COL21A1: variants seen among roughly 807,000 people sequenced by gnomAD.
The protein encoded by COL21A1 is collagen type XXI alpha 1 chain, also known as collagen alpha-1(XXI) chain.
COL21A1 carries 149 observed loss-of-function variants against 137.9 expected under a neutral mutation model. The ratio of observed to expected loss-of-function variants is 1.08; its 90% CI spans 0.95 to 1.24. The LOEUF is 1.24. Ranked by LOEUF, COL21A1 falls within the 50% of genes most tolerant of loss-of-function variation. The probability of loss-of-function intolerance (pLI) is 0.00; values close to 1 mark genes in which losing one functional copy is unlikely to be tolerated. For synonymous variants in COL21A1, 456 were observed against 391.5 expected (o/e 1.16, Z -1.95); for missense variants, 1,167 against 1,158.4 (o/e 1.01, Z -0.11).
At chr6:56,393,227 T>A (rs1174357784) in intron 1 of COL21A1, among the ~76,000 whole-genome samples, 1 of 152,090 alleles carries the variant, frequency 6.6e-6, no homozygotes, top group Non-Finnish European at 1.5e-5. Flanking sequence ...TCAACAAAAA[T>A]GCCAAGAATA....
At chr6:56,238,721 A>T (rs1782072695) in intron 1 of COL21A1, among the ~76,000 whole-genome samples, 1 of 152,152 alleles carries the variant, frequency 6.6e-6, no homozygotes, top group African/African-American at 2.4e-5. Context: ...TACTAGGTGG[A>T]TAATGGCTAA....
At chr6:56,330,572 C>T (rs1241532981) in intron 1 of COL21A1, among the ~76,000 whole-genome samples, 4 of 151,988 alleles carry the variant, frequency 2.6e-5, no homozygotes, top group African/African-American at 4.8e-5. Context: ...ATTGCACAGT[C>T]GTGAAGTCTG....
intron 5 of COL21A1, among the ~76,000 whole-genome samples, chr6:56,168,898 C>A (rs1290242117): frequency 6.6e-6 from 1 of 151,944 alleles, no homozygotes; most frequent in Non-Finnish European, 1.5e-5. Context: ...ACAGCCTGTA[C>A]CTCTCCTATG....
chr6:56,264,200 C>G (rs1412135760), intron 1 of COL21A1, among the ~76,000 whole-genome samples: 1 of 152,096 alleles, frequency 6.6e-6, no homozygotes, highest in African/African-American at 2.4e-5. Context: ...ATAAACATTT[C>G]AAATAAATCC....
At chr6:56,362,670 G>A (rs753256087) in intron 1 of COL21A1, among the ~76,000 whole-genome samples, 23 of 151,840 alleles carry the variant, frequency 1.5e-4, no homozygotes, top group African/African-American at 5.1e-4. Context: ...CTTTCCACAC[G>A]GGCACAACCC....
intron 1 of COL21A1, among the ~76,000 whole-genome samples, chr6:56,206,679 A>AAAAT (rs201550958): frequency 5.1e-4 from 30 of 59,316 alleles, no homozygotes; most frequent in South Asian, 1.4e-3. Flanking sequence ...CCAATTCAAC[A>AAAAT]AAATAAATAA....
chr6:56,181,000 A>T (rs544131756), intron 2 of COL21A1, among the ~76,000 whole-genome samples: 1 of 152,304 alleles, frequency 6.6e-6, no homozygotes, highest in Admixed American at 6.5e-5. Context: ...CTTGTTTCAG[A>T]TCCCTGATTG....
intron 1 of COL21A1, among the ~76,000 whole-genome samples, chr6:56,293,666 GTTGCCAAAAATATC>G (rs1764104839): frequency 6.6e-6 from 1 of 151,978 alleles, no homozygotes; most frequent in Non-Finnish European, 1.5e-5. Context: ...CTTTGACTTG[GTTGCCAAAAATATC>G]TTATGGGAAT....
intron 1 of COL21A1, among the ~76,000 whole-genome samples, chr6:56,357,737 T>C (rs541279951): frequency 6.6e-6 from 1 of 152,294 alleles, no homozygotes; most frequent in African/African-American, 2.4e-5. Context: ...AGAAAGGAGT[T>C]TGGGTCCTGG....
chr6:56,148,338 C>CAGAGAGAGAGAGAGAGAGAGAGAG (rs150898619), intron 10 of COL21A1, among the ~76,000 whole-genome samples: 1,335 of 133,174 alleles, frequency 0.01, 31 homozygotes, highest in East Asian at 0.015. Context: ...AGACAAGAGA[C>CAGAGAGAGAGAGAGAGAGAGAGAG]AGAGAGAGAG....
chr6:56,306,401 C>T (rs1429329702), intron 1 of COL21A1, among the ~76,000 whole-genome samples: 2 of 152,012 alleles, frequency 1.3e-5, no homozygotes, highest in South Asian at 2.1e-4. Flanking sequence ...TTCACATAGT[C>T]CCATATTTCT....
chr6:56,239,650 C>T (rs1782143111), intron 1 of COL21A1, among the ~76,000 whole-genome samples: 2 of 151,876 alleles, frequency 1.3e-5, no homozygotes, highest in South Asian at 4.2e-4. Flanking sequence ...TTTGTTTAGT[C>T]ATCATGAAAA....
intron 1 of COL21A1, among the ~76,000 whole-genome samples, chr6:56,290,459 A>T (rs1764011846): frequency 1.3e-5 from 2 of 151,486 alleles, no homozygotes; most frequent in Admixed American, 6.6e-5. Flanking sequence ...TCTAGAACAA[A>T]GATTCTCAAT....
At chr6:56,089,799 T>C (rs1768620068) in intron 17 of COL21A1, among the ~76,000 whole-genome samples, 1 of 152,188 alleles carries the variant, frequency 6.6e-6, no homozygotes, top group South Asian at 2.1e-4. Flanking sequence ...TAATCATACA[T>C]CATCTCATAT....
chr6:56,283,073 C>T (rs1247712689), intron 1 of COL21A1, among the ~76,000 whole-genome samples: 1 of 152,028 alleles, frequency 6.6e-6, no homozygotes, highest in Non-Finnish European at 1.5e-5. Flanking sequence ...ACAATAAATA[C>T]ATTCAAAAAA....
intron 17 of COL21A1, among the ~76,000 whole-genome samples, chr6:56,099,361 C>A (rs541201896): frequency 6.6e-6 from 1 of 151,230 alleles, no homozygotes; most frequent in African/African-American, 2.4e-5. Flanking sequence ...AGCCCCTCTC[C>A]GAGTAGCTGG....
rs780083311 is a variant in COL21A1, at chr6:56,156,859, C to T, written c.1434+28G>A. 37 of 1,582,582 alleles carry T rather than the reference C, an allele frequency of 2.3e-5. No homozygotes were observed. In the Middle Eastern group the frequency reaches 1.5e-3, roughly 64 times the overall value. ...TTTGACACTGTAATCCCAGATATAC[C>T]GGAGATGACTAAGCTTTCAGTACTC... On this transcript the variant is annotated intron_variant, in intron 10 of 29. Transcript: ENST00000244728.
At chr6:56,206,802 C>G (rs1779823401) in intron 1 of COL21A1, among the ~76,000 whole-genome samples, 1 of 150,002 alleles carries the variant, frequency 6.7e-6, no homozygotes, top group Non-Finnish European at 1.5e-5. Context: ...AAACACTCCT[C>G]AGAAAATGCA....
At chr6:56,097,671 G>C (rs1483415758) in intron 17 of COL21A1, among the ~76,000 whole-genome samples, 1 of 148,042 alleles carries the variant, frequency 6.8e-6, no homozygotes, top group Middle Eastern at 3.5e-3. Context: ...ACCCAAATCA[G>C]TGTCTGCTTG....
Sources: gnomAD v4.1 joint callset for allele counts (sites outside exome capture counted in the v4.1 genomes callset) on GRCh38, gnomAD v4.1.1 for gene constraint, MANE v1.5 for transcripts, NCBI Gene and HGNC (gene_info 2026-07-23, HGNC 2026-07-21) for gene names.